Variants in DOCK11 observed in about 807,000 individuals in gnomAD.
The protein encoded by DOCK11 is dedicator of cytokinesis protein 11.
DOCK11 carries 70 observed loss-of-function variants against 169.1 expected under a neutral mutation model. The observed-to-expected ratio is 0.41, with a 90% CI of 0.34 to 0.51. The LOEUF (loss-of-function observed/expected upper bound fraction) is 0.51. Ranked by LOEUF, DOCK11 falls within the 20% of genes least tolerant of loss-of-function variation. DOCK11 has a pLI of 0.10. For missense variants in DOCK11, 1,166 were observed against 1,538.8 expected, an observed-to-expected ratio of 0.76 and a Z score of 4.05; for synonymous variants, 529 against 541.3, an observed-to-expected ratio of 0.98 and a Z score of 0.32.
intron 44 of DOCK11, among the ~76,000 whole-genome samples, chrX:118,656,304 A>C (rs1367081247): frequency 9.0e-6 from 1 of 110,903 alleles, no homozygotes; most frequent in African/African-American, 3.3e-5. Flanking sequence ...TGAATAAATA[A>C]ATTTTTTAAA....
At chrX:118,538,680 A>G (rs2011845731) in intron 1 of DOCK11, 2 of 749,610 alleles carry the variant, frequency 2.7e-6, no homozygotes, top group Admixed American at 8.8e-5. Context: ...GGAAGTTGCT[A>G]TTATTTGAAT....
chrX:118,515,676 T>G (rs961011052), intron 1 of DOCK11, among the ~76,000 whole-genome samples: 2 of 110,325 alleles, frequency 1.8e-5, no homozygotes, highest in Admixed American at 9.7e-5. Context: ...ATATCAGTAC[T>G]TTCATTTTAG....
Position 118,618,544 on chromosome X carries a change from C to T in DOCK11, c.3293-6C>T, listed in dbSNP as rs1202923206. ...TAAATGGGTTTTAAATTTCATTGTA[C>T]TGCAGATTCAAATCTTGAATACAGT... On this transcript the variant is annotated splice_region_variant and splice_polypyrimidine_tract_variant and intron_variant, in intron 30 of 52. Coordinates refer to ENST00000276202, the MANE Select transcript of DOCK11 (RefSeq NM_144658.4). The T allele has an allele frequency of 1.7e-6, 2 of 1,180,908 alleles. No individual in the cohort carries two copies. The highest frequency in any genetic ancestry group is 1.8e-5 in the African/African-American group (1 of 56,878).
chrX:118,683,257 G>A lies in DOCK11; in HGVS notation c.6102+40G>A, dbSNP rs371445459. 3.0e-5 allele frequency: 35 copies of A among 1,169,649 alleles called. No homozygotes were observed. The African/African-American group carries it at 4.8e-4, about 16-fold the overall frequency. On this transcript the variant is annotated intron_variant, in intron 52 of 52. Transcript: ENST00000276202. The stretch of plus-strand genomic sequence containing the variant: ...GACTAAAACTGAAAACATGATCTGC[G>A]GGTCCCAAAATTGTTGCTTAGCAAA...
chrX:118,527,133 T>C (rs1265664940), intron 1 of DOCK11, among the ~76,000 whole-genome samples: 3 of 112,398 alleles, frequency 2.7e-5, no homozygotes, highest in African/African-American at 9.7e-5. Context: ...TTTCATGTAC[T>C]GTATATACTT....
intron 38 of DOCK11, among the ~76,000 whole-genome samples, chrX:118,640,571 G>A (rs192308155): frequency 8.9e-6 from 1 of 112,038 alleles, no homozygotes; most frequent in Non-Finnish European, 1.9e-5. Context: ...TTTCTATTTA[G>A]TGGTTTCTCA....
Position 118,615,650 on chromosome X carries a change from A to T in DOCK11, c.3231A>T (p.Glu1077Asp). 1 of 1,210,831 alleles carries T rather than the reference A, an allele frequency of 8.3e-7. No homozygotes were observed. Among genetic ancestry groups the T allele is most frequent in the Non-Finnish European group, 1.1e-6 (1 of 894,939 alleles). Residue 1077 changes from glutamate (E) to aspartate (D), a missense_variant, in exon 30 of 53, where the codon GAA (glutamate) becomes GAT (aspartate). Physicochemically the swap from Glu to Asp is conservative, Grantham distance 45. Coordinates refer to ENST00000276202, the MANE Select transcript of DOCK11 (RefSeq NM_144658.4). ...FEFLQTICNH[E>D]HYIPLNLPMA... ...TTCTGCAAACAATTTGCAATCACGA[A>T]CATTACATTCCTCTGAACTTGCCAA...
chrX:118,554,156 C>T (rs1246208430), intron 6 of DOCK11, among the ~76,000 whole-genome samples: 2 of 111,592 alleles, frequency 1.8e-5, no homozygotes, highest in Non-Finnish European at 3.8e-5. Flanking sequence ...GTGCATCCCA[C>T]CACGCCTGGC....
chrX:118,595,627 T>A (rs1407592185), intron 20 of DOCK11, among the ~76,000 whole-genome samples: 5 of 112,166 alleles, frequency 4.5e-5, no homozygotes, highest in Non-Finnish European at 9.4e-5. Context: ...ACTGATTCAT[T>A]ATCCAAATCC....
At chrX:118,541,498 C>T (rs1030785767) in intron 1 of DOCK11, among the ~76,000 whole-genome samples, 2 of 111,685 alleles carry the variant, frequency 1.8e-5, no homozygotes, top group African/African-American at 3.3e-5. Flanking sequence ...AAGTGGGTGC[C>T]GTCTTTGTGT....
intron 13 of DOCK11, 109 bp downstream of exon 13, chrX:118,578,756 G>A: frequency 1.4e-6 from 1 of 735,216 alleles, no homozygotes; most frequent in Non-Finnish European, 1.9e-6. Context: ...TGAAAACATT[G>A]TATACTGTGT....
intron 12 of DOCK11, among the ~76,000 whole-genome samples, chrX:118,574,791 G>A (rs1337759866): frequency 8.9e-6 from 1 of 111,817 alleles, no homozygotes; most frequent in African/African-American, 3.3e-5. Context: ...AGCAATGGGC[G>A]GGAACTGCTT....
intron 1 of DOCK11, among the ~76,000 whole-genome samples, chrX:118,540,771 T>G (rs1303851885): frequency 8.9e-6 from 1 of 111,998 alleles, no homozygotes; most frequent in Admixed American, 9.5e-5. Flanking sequence ...ATGGATGTAG[T>G]GATACTAGAG....
intron 1 of DOCK11, among the ~76,000 whole-genome samples, chrX:118,503,110 G>T (rs887137795): frequency 5.0e-5 from 4 of 80,734 alleles, no homozygotes; most frequent in Non-Finnish European, 9.1e-5. Flanking sequence ...TTTCACTCTT[G>T]TCGCCCAGGC....
chrX:118,519,120 C>T (rs2094128939), intron 1 of DOCK11, among the ~76,000 whole-genome samples: 1 of 111,921 alleles, frequency 8.9e-6, no homozygotes, highest in Admixed American at 9.5e-5. Context: ...ATTCCCAGCT[C>T]TCTTGCTGAC....
At chrX:118,554,031 C>T (rs2012592617) in intron 6 of DOCK11, among the ~76,000 whole-genome samples, 1 of 111,657 alleles carries the variant, frequency 9.0e-6, no homozygotes, top group Non-Finnish European at 1.9e-5. Context: ...GAGACAAGGT[C>T]TTACTATATT....
intron 6 of DOCK11, among the ~76,000 whole-genome samples, chrX:118,559,918 A>G (rs2012848184): frequency 9.1e-6 from 1 of 110,182 alleles, no homozygotes; most frequent in African/African-American, 3.3e-5. Flanking sequence ...ATACCCACAC[A>G]TTCTCTTTCT....
intron 4 of DOCK11, among the ~76,000 whole-genome samples, chrX:118,544,645 C>CTTTTTTTGTTTTTTTTTT (rs2012174226): frequency 4.3e-5 from 1 of 23,343 alleles, no homozygotes; most frequent in Non-Finnish European, 7.2e-5. Flanking sequence ...TACACTGTTG[C>CTTTTTTTGTTTTTTTTTT]TTTTTTTTTT....
At chrX:118,678,762 C>G (rs181816769) in intron 48 of DOCK11, among the ~76,000 whole-genome samples, 16 of 108,875 alleles carry the variant, frequency 1.5e-4, no homozygotes, top group African/African-American at 4.4e-4. Flanking sequence ...CCTGAGCCAC[C>G]ACGCCTGGCC....
Sources: gnomAD v4.1 joint callset for allele counts (sites outside exome capture counted in the v4.1 genomes callset) on GRCh38, gnomAD v4.1.1 for gene constraint, MANE v1.5 for transcripts, NCBI Gene and HGNC (gene_info 2026-07-23, HGNC 2026-07-21) for gene names.